Variants in UNC13B observed in about 807,000 individuals in gnomAD.
UNC13B encodes the protein unc-13 homolog B.
UNC13B carries 144 observed loss-of-function variants against 211.0 expected under a neutral mutation model. The ratio of observed to expected loss-of-function variants is 0.68; its 90% confidence interval spans 0.60 to 0.78. The LOEUF (loss-of-function observed/expected upper bound fraction) is 0.78, where lower values mean the gene tolerates loss of function less well. Ranked by LOEUF, UNC13B falls within the 30% of genes least tolerant of loss-of-function variation. The probability of loss-of-function intolerance (pLI) is 0.00; values close to 1 mark genes in which losing one functional copy is unlikely to be tolerated. For missense variants in UNC13B, 1,777 were observed against 2,002.0 expected (o/e 0.89, Z 2.14); for synonymous variants, 709 against 725.8 (o/e 0.98, Z 0.37).
chr9:35,402,344 C>T (rs1235591978), intron 37 of UNC13B, among the ~76,000 whole-genome samples: 5 of 148,132 alleles, frequency 3.4e-5, no homozygotes, highest in African/African-American at 7.6e-5. Context: ...TCCAGTGGAG[C>T]GATCTCTGCC....
chr9:35,307,364 C>T lies in UNC13B; in HGVS notation c.7960C>T (p.Gln2654Ter). ...AGCAGAGAACTTTGCGCTGCCAGCA[C>T]AGTTGCATCCAGATCCTACCTGCAT... The part of the protein sequence containing the change: ...LEAENFALPA[Q>*]LHPDPTCIAE... The change falls in exon 9 of 40, where the codon CAG (glutamine) becomes TAG (stop). Residue 2654 changes from glutamine to a stop codon, truncating the protein, a stop_gained. Coordinates refer to ENST00000635942, the MANE Select transcript of UNC13B (RefSeq NM_001371189.2). LOFTEE classifies it high-confidence loss of function. 2.5e-6 allele frequency: 1 copy of T among 399,008 alleles called. No individual in the cohort carries two copies. Among genetic ancestry groups the T allele is most frequent in the South Asian group, 1.3e-4 (1 of 7,850 alleles). The allele number at this position is 399,008 out of a possible 1,614,324, so 24.7% of individuals were successfully genotyped here. A position where few individuals can be genotyped will look rare whatever the true frequency, so the allele number is the denominator to read the frequency against.
intron 31 of UNC13B, 70 bp downstream of exon 31, chr9:35,398,358 C>G: frequency 6.5e-7 from 1 of 1,532,468 alleles, no homozygotes; most frequent in Non-Finnish European, 9.0e-7. Context: ...TAGAACTCCA[C>G]CCTCTCTTAA....
In UNC13B at chr9:35,384,721, G is replaced by A. The variant is rs907752582; in HGVS notation, c.10875+407G>A. The A allele has an allele frequency of 1.4e-5, 14 of 985,318 alleles. No homozygotes were observed. In the African/African-American group the frequency reaches 2.3e-4, roughly 16 times the overall value. 61.0% of individuals were successfully genotyped at this position (985,318 alleles called of 1,614,324 possible). On this transcript the variant is annotated intron_variant, in intron 22 of 39. Transcript: ENST00000635942. ...CGGAGGTGTGAGAATCTGGCTAGGG[G>A]ACAGAGAGTAGCTTGGCTTTTGCAA... is the stretch of plus-strand genomic sequence containing the variant.
At chr9:35,257,799 C>T (rs190503693) in intron 6 of UNC13B, among the ~76,000 whole-genome samples, 4 of 152,042 alleles carry the variant, frequency 2.6e-5, no homozygotes, top group Admixed American at 2.6e-4. Flanking sequence ...GGATCCCAAC[C>T]ATTTGAAATG....
intron 1 of UNC13B, among the ~76,000 whole-genome samples, chr9:35,170,015 A>T (rs1821249220): frequency 6.6e-6 from 1 of 152,194 alleles, no homozygotes; most frequent in South Asian, 2.1e-4. Context: ...AATGTCTGTT[A>T]TACAGTGTTC....
chr9:35,381,305 G>A (rs777485681), intron 19 of UNC13B, 90 bp downstream of exon 19: 54 of 1,190,698 alleles, frequency 4.5e-5, no homozygotes, highest in Non-Finnish European at 6.1e-5. Flanking sequence ...GTTGGAATCC[G>A]AGGCCCATTT....
intron 24 of UNC13B, among the ~76,000 whole-genome samples, chr9:35,387,365 C>CT (rs1835256923): frequency 6.6e-6 from 1 of 152,194 alleles, no homozygotes; most frequent in Admixed American, 6.5e-5. Context: ...CTCATAAAGA[C>CT]TAAGATCTTG....
At chr9:35,359,175 A>C (rs1273869625) in intron 11 of UNC13B, among the ~76,000 whole-genome samples, 1 of 152,020 alleles carries the variant, frequency 6.6e-6, no homozygotes, top group African/African-American at 2.4e-5. Flanking sequence ...TTATGTCTGG[A>C]CTCAATTCTA....
intron 11 of UNC13B, among the ~76,000 whole-genome samples, chr9:35,322,780 T>C (rs1179449942): frequency 6.6e-6 from 1 of 152,144 alleles, no homozygotes; most frequent in African/African-American, 2.4e-5. Context: ...AGGGAAATAC[T>C]CTTTCCATAA....
At chr9:35,392,698 C>G (rs907559171) in intron 26 of UNC13B, among the ~76,000 whole-genome samples, 1 of 151,648 alleles carries the variant, frequency 6.6e-6, no homozygotes, top group Non-Finnish European at 1.5e-5. Flanking sequence ...TGCTAGATGA[C>G]AAGTTAGTGG....
Position 35,386,407 on chromosome 9 carries a change from G to T in UNC13B, c.11094+114G>T, listed in dbSNP as rs547078439. The T allele has an allele frequency of 9.9e-6, 14 of 1,421,156 alleles. No individual in the cohort carries two copies. The Admixed American group carries it at 2.9e-4, about 29-fold the overall frequency. The allele number at this position is 1,421,156 out of a possible 1,614,324, so 88.0% of individuals were successfully genotyped here. ...GGACAAAGTACTTGATGTTCTCAAG[G>T]GTGAGTGAGTTGTGGAGTATGAACC... On this transcript the variant is annotated intron_variant, in intron 24 of 39. Transcript: ENST00000635942.
chr9:35,281,172 C>T (rs1287604905), intron 7 of UNC13B, among the ~76,000 whole-genome samples: 3 of 151,378 alleles, frequency 2.0e-5, no homozygotes, highest in Non-Finnish European at 4.4e-5. Context: ...ATTGCTTGAA[C>T]CTGGGAGACG....
chr9:35,364,496 G>A (rs1307542300), intron 11 of UNC13B: 4 of 1,533,990 alleles, frequency 2.6e-6, no homozygotes, highest in Admixed American at 2.0e-5. Flanking sequence ...TTATAGGACT[G>A]ACTCTACTAA....
intron 1 of UNC13B, among the ~76,000 whole-genome samples, chr9:35,168,012 G>A (rs535507192): frequency 2.6e-5 from 4 of 151,494 alleles, no homozygotes; most frequent in Non-Finnish European, 4.4e-5. Flanking sequence ...TCAAACTCCT[G>A]GGCTCAATCT....
intron 7 of UNC13B, among the ~76,000 whole-genome samples, chr9:35,277,300 A>G (rs1828233176): frequency 6.6e-6 from 1 of 152,214 alleles, no homozygotes; most frequent in Non-Finnish European, 1.5e-5. Flanking sequence ...CAGAGCTTGT[A>G]GATTGCTAGA....
chr9:35,352,127 G>A, intron 11 of UNC13B: 3 of 1,232,274 alleles, frequency 2.4e-6, no homozygotes, highest in Middle Eastern at 3.1e-4. Flanking sequence ...CCTGGCCAAG[G>A]TGTGTGAGGG....
intron 11 of UNC13B, among the ~76,000 whole-genome samples, chr9:35,348,535 G>A (rs1204974418): frequency 6.6e-6 from 1 of 152,142 alleles, no homozygotes; most frequent in Admixed American, 6.5e-5. Context: ...AGTGGGAAAG[G>A]CAGGAGTCTG....
rs1210554464 is a variant in UNC13B at position 35,333,961 on chromosome 9, T to G, written c.9414+19972T>G. ...TGGGCTTTTCATATTCATTTTTTTG[T>G]TTGTTTTTTTTTTTGTTTTTTGAGA... On this transcript the variant is annotated intron_variant, in intron 11 of 39. Transcript: ENST00000635942. 3.1e-5 allele frequency among the ~76,000 whole-genome samples: 4 copies of G among 128,232 alleles called. No individual in the cohort carries two copies. The East Asian group carries it at 9.9e-4, about 32-fold the overall frequency. The allele number at this position is 128,232 out of a possible 152,430, so 84.1% of individuals were successfully genotyped here.
Position 35,260,330 on chromosome 9 carries a change from C to A in UNC13B, c.526+1280C>A, listed in dbSNP as rs1441837851. On this transcript the variant is annotated intron_variant, in intron 7 of 39. Coordinates refer to ENST00000635942, the MANE Select transcript of UNC13B (RefSeq NM_001371189.2). ...AATTTATTTAAACTTCACAACAACC[C>A]TAAGACAGATTTTACTGTTGTTCCC... Among the ~76,000 whole-genome samples the A allele has an allele frequency of 3.3e-5, 5 of 152,312 alleles. No homozygotes were observed. The East Asian group carries it at 9.6e-4, about 29-fold the overall frequency.
Sources: gnomAD v4.1 joint callset for allele counts (sites outside exome capture counted in the v4.1 genomes callset) on GRCh38, gnomAD v4.1.1 for gene constraint, MANE v1.5 for transcripts, NCBI Gene and HGNC (gene_info 2026-07-23, HGNC 2026-07-21) for gene names.